Variants in DPP10 observed in about 807,000 individuals in gnomAD.
DPP10 encodes dipeptidyl peptidase like 10, also known as inactive dipeptidyl peptidase 10.
In DPP10, 33 loss-of-function variants were observed where a neutral mutation model predicts 120.9. That is an observed-to-expected ratio of 0.27 (90% CI 0.21 to 0.37). DPP10 has a LOEUF of 0.37. DPP10 is among the 10% of genes least tolerant of loss of function. The pLI is 1.00. For missense variants in DPP10, 816 were observed against 942.8 expected, an observed-to-expected ratio of 0.87 and a Z score of 1.76; for synonymous variants, 337 against 326.1, an observed-to-expected ratio of 1.03 and a Z score of -0.36.
chr2:114,571,038 A>G (rs147296921), intron 1 of DPP10, among the ~76,000 whole-genome samples: 4 of 151,982 alleles, frequency 2.6e-5, no homozygotes, highest in Admixed American at 2.6e-4. Flanking sequence ...TCATAGTTAG[A>G]CCCATAAGTA....
intron 1 of DPP10, among the ~76,000 whole-genome samples, chr2:115,083,519 A>G (rs997940123): frequency 6.6e-6 from 1 of 151,944 alleles, no homozygotes; most frequent in Non-Finnish European, 1.5e-5. Flanking sequence ...TCCTCATTAT[A>G]TTTGTGTCCA....
intron 5 of DPP10, among the ~76,000 whole-genome samples, chr2:115,609,530 AG>A (rs1558920728): frequency 6.6e-6 from 1 of 152,100 alleles, no homozygotes; most frequent in Non-Finnish European, 1.5e-5. Flanking sequence ...AAGCTCTCAC[AG>A]TGAAGTGTTC....
At chr2:114,732,473 G>T (rs1195017031) in intron 1 of DPP10, among the ~76,000 whole-genome samples, 1 of 152,186 alleles carries the variant, frequency 6.6e-6, no homozygotes, top group Non-Finnish European at 1.5e-5. Context: ...TGTGGGGATT[G>T]GGGGAGAGAG....
intron 3 of DPP10, among the ~76,000 whole-genome samples, chr2:115,413,422 G>C (rs925589413): frequency 2.0e-5 from 3 of 152,088 alleles, no homozygotes. Context: ...AGTGGCAGCC[G>C]CTCCACAGTA....
intron 3 of DPP10, among the ~76,000 whole-genome samples, chr2:115,413,491 T>A (rs1283148818): frequency 6.6e-6 from 1 of 152,156 alleles, no homozygotes; most frequent in Non-Finnish European, 1.5e-5. Flanking sequence ...TAGATTTCTT[T>A]ATATTTTCTC....
chr2:114,723,276 C>T, intron 1 of DPP10, among the ~76,000 whole-genome samples: 1 of 152,154 alleles, frequency 6.6e-6, no homozygotes, highest in Admixed American at 6.6e-5. Flanking sequence ...ATGCAAATTC[C>T]TCATAAATGT....
At chr2:114,972,473 A>G (rs1699461663) in intron 1 of DPP10, among the ~76,000 whole-genome samples, 1 of 152,194 alleles carries the variant, frequency 6.6e-6, no homozygotes, top group Non-Finnish European at 1.5e-5. Flanking sequence ...TGCTTTAGGT[A>G]TCCTACTCAA....
intron 1 of DPP10, among the ~76,000 whole-genome samples, chr2:114,812,380 C>T (rs1685248576): frequency 6.6e-6 from 1 of 152,074 alleles, no homozygotes; most frequent in Non-Finnish European, 1.5e-5. Context: ...AGTGGAAGGA[C>T]TGCTTGAGCC....
rs532394034 is a variant in DPP10, at chr2:115,207,888, A to G, written c.61-101351A>G. ...AACTATAGGCAATCACATTGGGTGC[A>G]GGGAAACGAGTAAGCATACTATTGC... On this transcript the variant is annotated intron_variant, in intron 1 of 25. Coordinates refer to ENST00000410059, the MANE Select transcript of DPP10 (RefSeq NM_020868.6). Among the ~76,000 whole-genome samples, 11 of 152,306 alleles carry G rather than the reference A, an allele frequency of 7.2e-5. No homozygotes were observed. The South Asian group carries it at 1.7e-3, about 23-fold the overall frequency.
chr2:114,451,727 C>G (rs574326106), intron 1 of DPP10, among the ~76,000 whole-genome samples: 1 of 152,136 alleles, frequency 6.6e-6, no homozygotes, highest in East Asian at 1.9e-4. Context: ...TGTACTCTGA[C>G]GGCAAAGCTT....
intron 1 of DPP10, among the ~76,000 whole-genome samples, chr2:114,605,832 G>A (rs1692741916): frequency 6.6e-6 from 1 of 152,120 alleles, no homozygotes; most frequent in African/African-American, 2.4e-5. Flanking sequence ...AAGTAAGGAT[G>A]AAGGTCCAAT....
chr2:115,578,971 T>G (rs1231019016), intron 5 of DPP10: 1 of 152,216 alleles, frequency 6.6e-6, no homozygotes, highest in African/African-American at 2.4e-5. Context: ...TCAAGCCCGC[T>G]TCCTCACCCC....
In DPP10 at chr2:115,064,605, G is replaced by A. The variant is rs926499849; in HGVS notation, c.61-244634G>A. On this transcript the variant is annotated intron_variant, in intron 1 of 25. Transcript: ENST00000410059. ...TTTCGGTTGGACATAGGTGGGCACT[G>A]ACGTAGATTCTTTGCTTCCTGTACT... The A allele has an allele frequency of 2.4e-6, 3 of 1,232,556 alleles. No homozygotes were observed. In the African/African-American group the frequency reaches 4.6e-5, roughly 19 times the overall value. 76.4% of individuals were successfully genotyped at this position (1,232,556 alleles called of 1,614,324 possible).
chr2:115,805,891 A>G (rs941011206), intron 19 of DPP10, among the ~76,000 whole-genome samples: 1 of 152,052 alleles, frequency 6.6e-6, no homozygotes, highest in Admixed American at 6.6e-5. Context: ...GTGCTTTCAT[A>G]AGAACTTGTA....
intron 1 of DPP10, among the ~76,000 whole-genome samples, chr2:114,479,463 C>T (rs1316705521): frequency 6.6e-6 from 1 of 151,304 alleles, no homozygotes; most frequent in Non-Finnish European, 1.5e-5. Flanking sequence ...GATAAAGGTG[C>T]AAATGTAGTT....
chr2:115,576,254 A>C (rs142188434), intron 5 of DPP10, among the ~76,000 whole-genome samples: 132 of 152,332 alleles, frequency 8.7e-4, no homozygotes, highest in African/African-American at 3.0e-3. Context: ...TTGCCAAGAA[A>C]AGATAAAAAT....
intron 1 of DPP10, among the ~76,000 whole-genome samples, chr2:114,470,527 C>A (rs759940456): frequency 1.5e-4 from 23 of 152,122 alleles, no homozygotes; most frequent in Admixed American, 5.2e-4. Context: ...TTCCTGGCTA[C>A]AGGGATATTT....
chr2:115,571,085 A>G (rs1478866836), intron 5 of DPP10, among the ~76,000 whole-genome samples: 1 of 152,222 alleles, frequency 6.6e-6, no homozygotes, highest in Non-Finnish European at 1.5e-5. Flanking sequence ...CCTATGTTGT[A>G]CATTCTCAGT....
intron 19 of DPP10, among the ~76,000 whole-genome samples, chr2:115,804,410 T>C (rs1685657555): frequency 6.6e-6 from 1 of 152,216 alleles, no homozygotes; most frequent in East Asian, 1.9e-4. Context: ...TTTGATCTTC[T>C]GAACCCTTCC....
Sources: gnomAD v4.1 joint callset for allele counts (sites outside exome capture counted in the v4.1 genomes callset) on GRCh38, gnomAD v4.1.1 for gene constraint, MANE v1.5 for transcripts, NCBI Gene and HGNC (gene_info 2026-07-23, HGNC 2026-07-21) for gene names.